The following SLC22A23 variants were observed in gnomAD, a reference collection of about 807,000 sequenced individuals.
SLC22A23 encodes the protein ion transporter protein.
SLC22A23 carries 26 observed loss-of-function variants against 61.0 expected under a neutral mutation model. That is an observed-to-expected ratio of 0.43 (90% CI 0.31 to 0.59). The LOEUF (loss-of-function observed/expected upper bound fraction) is 0.59, where lower values mean the gene tolerates loss of function less well. Among genes scored for constraint, SLC22A23 ranks in the 20% least tolerant of loss-of-function variants. The pLI is 0.11. For missense variants in SLC22A23, 796 were observed against 934.7 expected, an observed-to-expected ratio of 0.85 and a Z score of 1.94; for synonymous variants, 430 against 413.9, an observed-to-expected ratio of 1.04 and a Z score of -0.47.
chr6:3,366,174 C>T (rs1049605222), intron 3 of SLC22A23, among the ~76,000 whole-genome samples: 6 of 151,044 alleles, frequency 4.0e-5, no homozygotes, highest in Admixed American at 3.3e-4. Flanking sequence ...ACTAAAAATA[C>T]AAAAAAAATT....
At chr6:3,273,508 G>GC (rs1417530136) in intron 9 of SLC22A23, 96 bp from the exon 10 acceptor site, 2 of 1,316,918 alleles carry the variant, frequency 1.5e-6, no homozygotes, top group Non-Finnish European at 2.1e-6. Flanking sequence ...CTCTGCAGGG[G>GC]CCCTGCTGCC....
At chr6:3,389,268 CAAAAAAAAAA>C (rs61020784) in intron 3 of SLC22A23, among the ~76,000 whole-genome samples, 2 of 32,600 alleles carry the variant, frequency 6.1e-5, no homozygotes, top group African/African-American at 1.6e-4. Flanking sequence ...AACTCTGTCT[CAAAAAAAAAA>C]AAAAAAAAAA....
intron 1 of SLC22A23, among the ~76,000 whole-genome samples, chr6:3,433,982 T>C (rs893313624): frequency 3.3e-5 from 5 of 152,208 alleles, no homozygotes; most frequent in African/African-American, 1.2e-4. Context: ...ACTTAACATC[T>C]GTCCATTTTA....
At chr6:3,400,628 T>A (rs1768320145) in intron 3 of SLC22A23, among the ~76,000 whole-genome samples, 1 of 152,252 alleles carries the variant, frequency 6.6e-6, no homozygotes, top group Non-Finnish European at 1.5e-5. Context: ...AGCTACCTTG[T>A]TAAAGGTCAC....
intron 9 of SLC22A23, 24 bp from the exon 10 acceptor site, chr6:3,273,436 G>A: frequency 6.2e-7 from 1 of 1,609,078 alleles, no homozygotes; most frequent in Non-Finnish European, 8.5e-7. Context: ...GAAGCACAGG[G>A]ATTGCTGCTG....
intron 3 of SLC22A23, among the ~76,000 whole-genome samples, chr6:3,391,373 C>T (rs1423790691): frequency 6.6e-6 from 1 of 152,216 alleles, no homozygotes; most frequent in African/African-American, 2.4e-5. Flanking sequence ...TCAGCAAATT[C>T]CCTCTACTAT....
chr6:3,363,624 T>G (rs1272836986), intron 3 of SLC22A23, among the ~76,000 whole-genome samples: 1 of 152,240 alleles, frequency 6.6e-6, no homozygotes, highest in East Asian at 1.9e-4. Flanking sequence ...CCTTCAGCAC[T>G]AAGGTGCCTG....
In SLC22A23 at chr6:3,328,357, C is replaced by T. The variant is rs190675583; in HGVS notation, c.914-4355G>A. On this transcript the variant is annotated intron_variant, in intron 3 of 9. Transcript: ENST00000406686. This position sits in a 1 kb window ranked among gnomAD's most constrained non-coding sequence, Gnocchi z 5.0. ...CCACAGCTCTGGGAGATACGCTTTT[C>T]GGAAGTCGTCAGATTCTTACAAATT... is the stretch of plus-strand genomic sequence containing the variant. Among the ~76,000 whole-genome samples the T allele has an allele frequency of 6.6e-6, 1 of 152,134 alleles. No homozygotes were observed. The highest frequency in any genetic ancestry group is 6.6e-5 in the Admixed American group (1 of 15,266).
chr6:3,411,768 G>A (rs1028691319), intron 2 of SLC22A23, among the ~76,000 whole-genome samples: 4 of 152,220 alleles, frequency 2.6e-5, no homozygotes, highest in Non-Finnish European at 5.9e-5. Flanking sequence ...CTTTGGTTTA[G>A]TGAAACAAGG....
chr6:3,332,356 T>G (rs1185882169), intron 3 of SLC22A23, among the ~76,000 whole-genome samples: 1 of 151,660 alleles, frequency 6.6e-6, no homozygotes, highest in South Asian at 2.1e-4. Context: ...CATCTAGTAA[T>G]AGTAAATATA....
intron 3 of SLC22A23, among the ~76,000 whole-genome samples, chr6:3,409,237 C>T (rs574565186): frequency 3.3e-5 from 5 of 152,206 alleles, no homozygotes; most frequent in East Asian, 1.9e-4. Context: ...CGGCCAACTA[C>T]GGATCTAGAA....
intron 4 of SLC22A23, among the ~76,000 whole-genome samples, chr6:3,316,643 C>T (rs902306546): frequency 6.6e-6 from 1 of 152,120 alleles, no homozygotes; most frequent in Non-Finnish European, 1.5e-5. Flanking sequence ...CAGACGAGCA[C>T]GTTGTTTTTT....
intron 1 of SLC22A23, chr6:3,432,337 GC>G (rs1770921557): frequency 1.0e-6 from 1 of 985,334 alleles, no homozygotes; most frequent in Non-Finnish European, 1.2e-6. Context: ...CTTTGAAGAA[GC>G]CTAAGTTTAA....
rs1390697923 is a variant in SLC22A23 at position 3,270,316 on chromosome 6, C to G, written c.*2739G>C. 6.6e-6 allele frequency: 1 copy of G among 152,476 alleles called. No homozygotes were observed. The highest frequency in any genetic ancestry group is 2.4e-5 in the African/African-American group (1 of 41,458). 9.4% of individuals were successfully genotyped at this position (152,476 alleles called of 1,614,324 possible). On this transcript the variant is annotated 3_prime_UTR_variant, in exon 10 of 10. Coordinates refer to ENST00000406686, the MANE Select transcript of SLC22A23 (RefSeq NM_015482.2). ...GGGAAGTGGGCAGCCGTAGCAGCCT[C>G]CCCTGCTGAGCCCGGCGGGCCCAGA...
At position 3,329,494 on chromosome 6, in the gene SLC22A23, G is replaced by A. The variant is rs1369093812; in HGVS notation, c.914-5492C>T. ...GTTGACTGACAATACTTAAGCCAGA[G>A]GACAGGAATTCACAGAATTGTGCCC... On this transcript the variant is annotated intron_variant, in intron 3 of 9. Coordinates refer to ENST00000406686, the MANE Select transcript of SLC22A23 (RefSeq NM_015482.2). This position sits in a 1 kb window ranked among gnomAD's most constrained non-coding sequence, Gnocchi z 4.8. Among the ~76,000 whole-genome samples, 1 of 152,196 alleles carries A rather than the reference G, an allele frequency of 6.6e-6. No individual in the cohort carries two copies. Among genetic ancestry groups the A allele is most frequent in the East Asian group, 1.9e-4 (1 of 5,184 alleles).
At chr6:3,306,498 C>G (rs374491249) in intron 4 of SLC22A23, among the ~76,000 whole-genome samples, 6 of 152,206 alleles carry the variant, frequency 3.9e-5, no homozygotes, top group African/African-American at 1.4e-4. Flanking sequence ...GATGGGAAAA[C>G]TCAGGCAAAG....
intron 9 of SLC22A23, among the ~76,000 whole-genome samples, chr6:3,278,325 G>A (rs1484715012): frequency 1.3e-5 from 2 of 152,044 alleles, no homozygotes; most frequent in South Asian, 2.1e-4. Context: ...GGCTGAAAGA[G>A]TTGCAGGAAT....
At position 3,360,421 on chromosome 6, in the gene SLC22A23, C is replaced by T. The variant is rs1161866757; in HGVS notation, c.914-36419G>A. Among the ~76,000 whole-genome samples, 1 of 152,210 alleles carries T rather than the reference C, an allele frequency of 6.6e-6. No homozygotes were observed. The highest frequency in any genetic ancestry group is 2.4e-5 in the African/African-American group (1 of 41,448). ...CTTAAACTCAGGAGGATCAGAAAGGCTCAATCACCAGGAGGTGAGGTGAGT... is the reference window on the plus strand; with the variant it reads ...CTTAAACTCAGGAGGATCAGAAAGGTTCAATCACCAGGAGGTGAGGTGAGT... On this transcript the variant is annotated intron_variant, in intron 3 of 9. Coordinates refer to ENST00000406686, the MANE Select transcript of SLC22A23 (RefSeq NM_015482.2). This position sits in a 1 kb window ranked among gnomAD's most constrained non-coding sequence, Gnocchi z 4.6.
At chr6:3,339,071 G>A (rs1041167886) in intron 3 of SLC22A23, among the ~76,000 whole-genome samples, 3 of 152,214 alleles carry the variant, frequency 2.0e-5, no homozygotes, top group East Asian at 3.8e-4. Flanking sequence ...GAGCAGGGTC[G>A]AGGGGAGGGA....
Sources: allele counts gnomAD v4.1 joint callset (sites outside exome capture counted in the v4.1 genomes callset), GRCh38; gene constraint gnomAD v4.1.1; non-coding constraint Gnocchi (gnomAD v3.1); transcripts MANE v1.5; gene names NCBI Gene and HGNC (gene_info 2026-07-23, HGNC 2026-07-21).